Variants in PCDHGB3 observed in about 807,000 individuals in gnomAD.
The protein encoded by PCDHGB3 is protocadherin gamma subfamily B, 3, also known as protocadherin gamma-B3.
PCDHGB3 carries 40 observed loss-of-function variants against 59.2 expected under a neutral mutation model. That is an observed-to-expected ratio of 0.68 (90% CI 0.52 to 0.88). The LOEUF is 0.88. PCDHGB3 is among the 40% of genes least tolerant of loss of function. PCDHGB3 has a pLI of 0.00. For synonymous variants in PCDHGB3, 581 were observed against 503.6 expected, an observed-to-expected ratio of 1.15 and a Z score of -2.06; for missense variants, 1,309 against 1,187.9, an observed-to-expected ratio of 1.10 and a Z score of -1.50.
chr5:141,486,803 C>T lies in PCDHGB3; in HGVS notation c.2416-8004C>T. 1 of 1,614,228 alleles carries T rather than the reference C, an allele frequency of 6.2e-7. No homozygotes were observed. Among genetic ancestry groups the T allele is most frequent in the South Asian group, 1.1e-5 (1 of 91,084 alleles). ...GCAGGCCCGGGATCGGGGCAACCCACCCCTTAGCAGCACTGTAACAGTTCG... is the reference window on the plus strand; with the variant it reads ...GCAGGCCCGGGATCGGGGCAACCCATCCCTTAGCAGCACTGTAACAGTTCG... On this transcript the variant is annotated intron_variant, in intron 1 of 3. Coordinates refer to ENST00000576222, the MANE Select transcript of PCDHGB3 (RefSeq NM_018924.5). The surrounding 1 kb of genome is among the most constrained non-coding windows in gnomAD (Gnocchi z 5.0).
chr5:141,422,811 C>T (rs748248571), intron 1 of PCDHGB3: 1 of 1,614,248 alleles, frequency 6.2e-7, no homozygotes, highest in Non-Finnish European at 8.5e-7. Context: ...AGTTTCGAGA[C>T]TTAGAACTGA....
Position 141,490,575 on chromosome 5 carries a change from A to G in PCDHGB3, c.2416-4232A>G. 2 of 1,614,140 alleles carry G rather than the reference A, an allele frequency of 1.2e-6. No individual in the cohort carries two copies. The highest frequency in any genetic ancestry group is 2.2e-5 in the East Asian group (1 of 44,876). Reference sequence around the variant, plus strand: ...ATCTCACCATCAGGCTCAACATTTCAGATGTCAATGACAATGCACCCCGCT... The same window carrying G: ...ATCTCACCATCAGGCTCAACATTTCGGATGTCAATGACAATGCACCCCGCT... On this transcript the variant is annotated intron_variant, in intron 1 of 3. Transcript: ENST00000576222. This position sits in a 1 kb window ranked among gnomAD's most constrained non-coding sequence, Gnocchi z 5.4.
chr5:141,441,103 A>C (rs2098225469), intron 1 of PCDHGB3: 1 of 152,198 alleles, frequency 6.6e-6, no homozygotes, highest in Non-Finnish European at 1.5e-5. Flanking sequence ...AGAGGGACTC[A>C]TTGTCCAGTG....
intron 1 of PCDHGB3, among the ~76,000 whole-genome samples, chr5:141,438,637 C>G (rs11958903): frequency 3.2e-5 from 1 of 30,940 alleles, no homozygotes. Context: ...TATATATATA[C>G]ACACACACAC....
chr5:141,418,988 G>A, intron 1 of PCDHGB3: 1 of 1,613,946 alleles, frequency 6.2e-7, no homozygotes, highest in Non-Finnish European at 8.5e-7. Context: ...CCAAGACTCA[G>A]GGGAAAATGG....
intron 1 of PCDHGB3, chr5:141,421,518 TGA>T: frequency 6.2e-7 from 1 of 1,614,058 alleles, no homozygotes; most frequent in Non-Finnish European, 8.5e-7. Flanking sequence ...AGGAGCTCTG[TGA>T]GACGGTGTCC....
chr5:141,423,026 G>T (rs1333695085), intron 1 of PCDHGB3: 1 of 1,614,210 alleles, frequency 6.2e-7, no homozygotes, highest in Admixed American at 1.7e-5. Context: ...AAAGATTCAG[G>T]CCAGAACGCC....
Position 141,485,618 on chromosome 5 carries a change from G to A in PCDHGB3, c.2416-9189G>A, listed in dbSNP as rs2099616729. 2.5e-6 allele frequency: 4 copies of A among 1,612,092 alleles called. No individual in the cohort carries two copies. Among genetic ancestry groups the A allele is most frequent in the Non-Finnish European group, 3.4e-6 (4 of 1,178,672 alleles). On this transcript the variant is annotated intron_variant, in intron 1 of 3. Coordinates refer to ENST00000576222, the MANE Select transcript of PCDHGB3 (RefSeq NM_018924.5). This position sits in a 1 kb window ranked among gnomAD's most constrained non-coding sequence, Gnocchi z 5.7. The stretch of plus-strand genomic sequence containing the variant: ...GGAAATTGGGGAGGCAGCTCCTCCA[G>A]GACAGCGTTTCCCGTTGGAAAAGGC...
chr5:141,370,893 C>T lies in PCDHGB3; in HGVS notation c.499C>T (p.Leu167=), dbSNP rs116495533. The T allele has an allele frequency of 2.5e-6, 4 of 1,613,944 alleles. No homozygotes were observed. The highest frequency in any genetic ancestry group is 3.3e-5 in the Admixed American group (2 of 60,008). ...AQDPDVGVNS[L]QQYYLSPDPH... ...AGATCCTGATGTAGGTGTCAATTCGCTGCAGCAGTACTACCTCAGCCCTGA... is the reference window on the plus strand; with the variant it reads ...AGATCCTGATGTAGGTGTCAATTCGTTGCAGCAGTACTACCTCAGCCCTGA... The change falls in exon 1 of 4, where the codon CTG becomes TTG. Residue 167 remains leucine, a synonymous_variant. Transcript: ENST00000576222.
At chr5:141,462,144 G>A (rs984269848) in intron 1 of PCDHGB3, among the ~76,000 whole-genome samples, 1 of 152,042 alleles carries the variant, frequency 6.6e-6, no homozygotes, top group South Asian at 2.1e-4. Context: ...ATTTTTAGTA[G>A]AGATGGGGTT....
At chr5:141,472,980 C>CAAAAAAAA (rs60579131) in intron 1 of PCDHGB3, among the ~76,000 whole-genome samples, 7 of 86,098 alleles carry the variant, frequency 8.1e-5, no homozygotes, top group Admixed American at 1.2e-4. Context: ...GAGTGAAACT[C>CAAAAAAAA]AAAAAAAAAA....
In PCDHGB3 at chr5:141,431,280, C is replaced by T. The variant is rs2097357763; in HGVS notation, c.2415+58471C>T. The T allele has an allele frequency of 1.9e-6, 3 of 1,614,146 alleles. No homozygotes were observed. Among genetic ancestry groups the T allele is most frequent in the South Asian group, 1.1e-5 (1 of 91,088 alleles). ...TCTCTGCAGAGCTACGAGCTCAGCC[C>T]GAACACTCACTTCTCCCTCATCGTG... On this transcript the variant is annotated intron_variant, in intron 1 of 3. Transcript: ENST00000576222. This position sits in a 1 kb window ranked among gnomAD's most constrained non-coding sequence, Gnocchi z 4.8.
intron 2 of PCDHGB3, among the ~76,000 whole-genome samples, chr5:141,501,690 A>G (rs760011264): frequency 5.3e-5 from 8 of 152,158 alleles, no homozygotes; most frequent in Non-Finnish European, 1.0e-4. Context: ...ACTTATCTGC[A>G]GGGTGATTCC....
In PCDHGB3 at chr5:141,480,546, G is replaced by A. The variant is rs184388425; in HGVS notation, c.2416-14261G>A. Reference sequence around the variant, plus strand: ...GACAAAGTAGAAGCACATATGAAAAGGCTAAGAAAGCATGAAAGCCAGCAA... The same window carrying A: ...GACAAAGTAGAAGCACATATGAAAAAGCTAAGAAAGCATGAAAGCCAGCAA... On this transcript the variant is annotated intron_variant, in intron 1 of 3. Coordinates refer to ENST00000576222, the MANE Select transcript of PCDHGB3 (RefSeq NM_018924.5). 4.9e-4 allele frequency among the ~76,000 whole-genome samples: 63 copies of A among 128,620 alleles called. 1 individual carries two copies. Among genetic ancestry groups the A allele is most frequent in the Middle Eastern group, 4.2e-3 (1 of 236 alleles). The allele number at this position is 128,620 out of a possible 152,430, so 84.4% of individuals were successfully genotyped here. A position where few individuals can be genotyped will look rare whatever the true frequency, so the allele number is the denominator to read the frequency against.
chr5:141,499,751 A>G (rs1355923543), intron 2 of PCDHGB3, among the ~76,000 whole-genome samples: 2 of 149,258 alleles, frequency 1.3e-5, no homozygotes, highest in Non-Finnish European at 3.0e-5. Flanking sequence ...CTGTGGCACA[A>G]TCTCAGCTCA....
chr5:141,490,480 C>A lies in PCDHGB3; in HGVS notation c.2416-4327C>A, dbSNP rs564439931. ...GCTGCTAACCAGCCAGCCTTTGGAC[C>A]GGGAGGCCACATCCCACTATATCAT... On this transcript the variant is annotated intron_variant, in intron 1 of 3. Transcript: ENST00000576222. The surrounding 1 kb of genome is among the most constrained non-coding windows in gnomAD (Gnocchi z 5.4). 2.5e-5 allele frequency: 40 copies of A among 1,614,076 alleles called. No homozygotes were observed. The highest frequency in any genetic ancestry group is 5.9e-6 in the Non-Finnish European group (7 of 1,180,058).
At chr5:141,471,185 A>G (rs58340688) in intron 1 of PCDHGB3, 16,257 of 151,174 alleles carry the variant, frequency 0.11, 890 homozygotes, top group South Asian at 0.15. Context: ...TAGTAGCTGG[A>G]ATTACAGGCA....
rs764976894 is a variant in PCDHGB3, at chr5:141,476,238, G to T, written c.2416-18569G>T. On this transcript the variant is annotated intron_variant, in intron 1 of 3. Transcript: ENST00000576222. The surrounding 1 kb of genome is among the most constrained non-coding windows in gnomAD (Gnocchi z 7.6). ...ATTCACTATGAGATCCCGGAGGAAA[G>T]AGAGAAGGGTTTCGCTGTGGGCAAC... is the stretch of plus-strand genomic sequence containing the variant. The T allele has an allele frequency of 3.1e-6, 5 of 1,614,098 alleles. No individual in the cohort carries two copies. The highest frequency in any genetic ancestry group is 4.2e-6 in the Non-Finnish European group (5 of 1,180,012).
At chr5:141,481,318 A>C (rs758947998) in intron 1 of PCDHGB3, among the ~76,000 whole-genome samples, 6 of 152,216 alleles carry the variant, frequency 3.9e-5, no homozygotes, top group Non-Finnish European at 8.8e-5. Context: ...TTCCTAAAGC[A>C]CTAGCCCCTG....
Sources: allele counts gnomAD v4.1 joint callset (sites outside exome capture counted in the v4.1 genomes callset), GRCh38; gene constraint gnomAD v4.1.1; non-coding constraint Gnocchi (gnomAD v3.1); transcripts MANE v1.5; gene names NCBI Gene and HGNC (gene_info 2026-07-23, HGNC 2026-07-21).